ADD3: variants seen among roughly 807,000 people sequenced by gnomAD.
ADD3 encodes gamma-adducin.
In ADD3, 25 loss-of-function variants were observed where a neutral mutation model predicts 80.2. The observed-to-expected ratio is 0.31, with a 90% confidence interval of 0.23 to 0.44. ADD3 has a LOEUF of 0.44. Ranked by LOEUF, ADD3 falls within the 20% of genes least tolerant of loss-of-function variation. ADD3 has a pLI of 1.00. For synonymous variants in ADD3, 284 were observed against 289.6 expected, an observed-to-expected ratio of 0.98 and a Z score of 0.20; for missense variants, 829 against 847.5, an observed-to-expected ratio of 0.98 and a Z score of 0.27.
In ADD3 at chr10:109,996,704, G is replaced by C. The variant is rs191167767; in HGVS notation, n.79+258G>C. Among the ~76,000 whole-genome samples the C allele has an allele frequency of 3.0e-3, 453 of 152,318 alleles. 2 individuals are homozygous for C. Among genetic ancestry groups the C allele is most frequent in the Middle Eastern group, 6.8e-3 (2 of 294 alleles). ...TGGAAAGCCTTGCTCTGAAAGTTTAGTCTGAAGGTAGAAACTCAGTATCTG... is the reference window on the plus strand; with the variant it reads ...TGGAAAGCCTTGCTCTGAAAGTTTACTCTGAAGGTAGAAACTCAGTATCTG... On this transcript the variant is annotated intron_variant and non_coding_transcript_variant, in intron 1 of 5. Transcript: ENST00000468251.
intron 6 of ADD3, 87 bp downstream of exon 6, chr10:110,118,823 T>C: frequency 1.5e-6 from 2 of 1,324,732 alleles, no homozygotes; most frequent in Non-Finnish European, 2.1e-6. Context: ...TACTATCTGC[T>C]TTTCAAAATC....
intron 1 of ADD3, among the ~76,000 whole-genome samples, chr10:110,052,629 A>G (rs1375792814): frequency 6.6e-6 from 1 of 152,226 alleles, no homozygotes; most frequent in Non-Finnish European, 1.5e-5. Context: ...GTCTATGCTA[A>G]TAAATGTTTA....
chr10:110,037,324 A>G (rs907928699), intron 1 of ADD3, among the ~76,000 whole-genome samples: 1 of 152,134 alleles, frequency 6.6e-6, no homozygotes, highest in Non-Finnish European at 1.5e-5. Context: ...AGTTGTATAG[A>G]CCAGGCAGGT....
At chr10:110,126,017 C>A in intron 11 of ADD3, 72 bp downstream of exon 11, 1 of 1,432,952 alleles carries the variant, frequency 7.0e-7, no homozygotes, top group Non-Finnish European at 9.5e-7. Context: ...GTGGTTGAAT[C>A]TGGTTAATGC....
chr10:110,079,067 A>G (rs1359342888), intron 1 of ADD3, among the ~76,000 whole-genome samples: 4 of 152,168 alleles, frequency 2.6e-5, no homozygotes, highest in Non-Finnish European at 5.9e-5. Flanking sequence ...CCAGTCTGCT[A>G]TACAAGCTTT....
At chr10:110,113,345 G>A (rs190445008) in intron 3 of ADD3, among the ~76,000 whole-genome samples, 136 of 152,276 alleles carry the variant, frequency 8.9e-4, no homozygotes, top group Middle Eastern at 6.8e-3. Context: ...TCGGCTCACT[G>A]CAACCTCCAC....
rs145002155 is a variant in ADD3, at chr10:110,124,114, C to T, written c.1241C>T (p.Ser414Phe). 139 of 1,613,994 alleles carry T rather than the reference C, an allele frequency of 8.6e-5. No homozygotes were observed. The highest frequency in any genetic ancestry group is 1.0e-4 in the Non-Finnish European group (123 of 1,180,014). The change falls in exon 10 of 15, where the codon TCC (serine) becomes TTC (phenylalanine). Residue 414 changes from serine (S) to phenylalanine (F), a missense_variant. By Grantham distance (155) the Ser-to-Phe change is radical. Coordinates refer to ENST00000356080, the MANE Select transcript of ADD3 (RefSeq NM_016824.5). ...ATCCCAGCAACTGTGACTGCTTTTT[C>T]CTTTGAAGACGATACAGTGCCACTC... The part of the protein sequence containing the change: ...VEIPATVTAF[S>F]FEDDTVPLSP...
rs1429078231 is a variant in ADD3, at chr10:110,023,417, T to C, written c.-30+15118T>C. ...AAATGTTTGTTGCTATATTATAAGC[T>C]ACCCAGCCTATAGTATTCTATTATA... On this transcript the variant is annotated intron_variant, in intron 1 of 14. Transcript: ENST00000356080. Among the ~76,000 whole-genome samples, 3 of 152,238 alleles carry C rather than the reference T, an allele frequency of 2.0e-5. No homozygotes were observed. The East Asian group carries it at 5.8e-4, about 29-fold the overall frequency.
chr10:110,129,225 C>T (rs562889017), intron 12 of ADD3, among the ~76,000 whole-genome samples: 3 of 151,298 alleles, frequency 2.0e-5, no homozygotes, highest in South Asian at 2.1e-4. Flanking sequence ...CCTCAGCTCA[C>T]GGCAACCTCC....
At chr10:110,062,953 C>T (rs905004557) in intron 1 of ADD3, among the ~76,000 whole-genome samples, 5 of 152,124 alleles carry the variant, frequency 3.3e-5, no homozygotes, top group Admixed American at 6.5e-5. Context: ...ACAGATATTT[C>T]GGGATCTGTT....
At chr10:110,130,547 C>A (rs746908862) in intron 13 of ADD3, 61 bp downstream of exon 13, 1 of 1,562,080 alleles carries the variant, frequency 6.4e-7, no homozygotes, top group Non-Finnish European at 8.7e-7. Flanking sequence ...AAGTACCTCA[C>A]GTTGGATGAT....
At chr10:110,093,297 A>G (rs376388294) in intron 1 of ADD3, among the ~76,000 whole-genome samples, 4 of 152,302 alleles carry the variant, frequency 2.6e-5, no homozygotes, top group East Asian at 3.9e-4. Context: ...TCTATTTAGT[A>G]TCTATATTAG....
At chr10:110,005,060 AATTTT>A (rs1409794177), upstream of ADD3, among the ~76,000 whole-genome samples, 1 of 152,082 alleles carries the variant, frequency 6.6e-6, no homozygotes, top group Non-Finnish European at 1.5e-5. Context: ...ATAATACTGT[AATTTT>A]ATTTTATTTT....
rs550925933 is a variant in ADD3 at position 110,029,796 on chromosome 10, T to C, written c.-30+21497T>C. Among the ~76,000 whole-genome samples, 6 of 152,344 alleles carry C rather than the reference T, an allele frequency of 3.9e-5. No individual in the cohort carries two copies. In the East Asian group the frequency reaches 7.7e-4, roughly 20 times the overall value. The stretch of plus-strand genomic sequence containing the variant: ...TGATTGAAAGTTGCTTACGGTTTAG[T>C]TGAATTTTTAACAAACTTAACTAAA... On this transcript the variant is annotated intron_variant, in intron 1 of 14. Transcript: ENST00000356080.
Position 110,112,787 on chromosome 10 carries a change from A to T in ADD3, c.206A>T (p.Glu69Val). The T allele has an allele frequency of 6.2e-7, 1 of 1,613,170 alleles. No homozygotes were observed. The highest frequency in any genetic ancestry group is 1.1e-5 in the South Asian group (1 of 90,862). ...TTTTGTGTATTACAGGCCTTTCGGG[A>T]AGACTTGGAATGCCTTATTCAAGAA... ...TQILQSPAFR[E>V]DLECLIQEQM... is the part of the protein sequence containing the mutation. The change falls in exon 3 of 15, where the codon GAA becomes GTA. Residue 69 changes from glutamate (E) to valine (V), a missense_variant. By Grantham distance (121) the Glu-to-Val change is moderately radical. Transcript: ENST00000356080.
intron 1 of ADD3, among the ~76,000 whole-genome samples, chr10:110,015,350 G>A (rs1852836383): frequency 6.6e-6 from 1 of 151,142 alleles, no homozygotes; most frequent in Non-Finnish European, 1.5e-5. Context: ...AACTAGAGCT[G>A]CACTAATTTT....
chr10:110,118,918 T>C (rs1380245696), intron 6 of ADD3, among the ~76,000 whole-genome samples, 182 bp downstream of exon 6: 2 of 152,212 alleles, frequency 1.3e-5, no homozygotes, highest in Admixed American at 6.5e-5. Flanking sequence ...ACTGGAGAAA[T>C]AACATTTGGA....
At chr10:110,034,365 T>C (rs1249347672) in intron 1 of ADD3, among the ~76,000 whole-genome samples, 1 of 152,058 alleles carries the variant, frequency 6.6e-6, no homozygotes, top group African/African-American at 2.4e-5. Context: ...TTTGTAAATA[T>C]AATTTTCCTT....
At chr10:110,117,288 C>G in intron 4 of ADD3, 54 bp from the exon 5 acceptor site, 4 of 881,462 alleles carry the variant, frequency 4.5e-6, no homozygotes, top group Non-Finnish European at 7.4e-6. Context: ...AGTCATGTTT[C>G]CACTGCAAAA....
Sources: gnomAD v4.1 joint callset for allele counts (sites outside exome capture counted in the v4.1 genomes callset) on GRCh38, gnomAD v4.1.1 for gene constraint, MANE v1.5 for transcripts, NCBI Gene and HGNC (gene_info 2026-07-23, HGNC 2026-07-21) for gene names.